Variants in ZBTB7C observed in about 807,000 individuals in gnomAD.
ZBTB7C encodes the protein zinc finger and BTB domain containing 7C.
In ZBTB7C, 8 loss-of-function variants were observed where a neutral mutation model predicts 25.7. The observed-to-expected ratio is 0.31, with a 90% confidence interval of 0.18 to 0.56. The LOEUF (loss-of-function observed/expected upper bound fraction) is 0.56, where lower values mean the gene tolerates loss of function less well. ZBTB7C is among the 20% of genes least tolerant of loss of function. The pLI, the probability that ZBTB7C is intolerant of heterozygous loss-of-function variation, is 0.91. For missense variants in ZBTB7C, 824 were observed against 855.2 expected, an observed-to-expected ratio of 0.96 and a Z score of 0.46; for synonymous variants, 394 against 369.0, an observed-to-expected ratio of 1.07 and a Z score of -0.78.
At chr18:48,259,724 C>CA (rs899951385) in intron 2 of ZBTB7C, among the ~76,000 whole-genome samples, 3 of 151,416 alleles carry the variant, frequency 2.0e-5, no homozygotes, top group Admixed American at 1.3e-4. Context: ...AGAACTTTAC[C>CA]AAAAAAAATA....
At chr18:48,379,396 G>C (rs2047588214) in intron 1 of ZBTB7C, among the ~76,000 whole-genome samples, 1 of 152,136 alleles carries the variant, frequency 6.6e-6, no homozygotes, top group South Asian at 2.1e-4. Flanking sequence ...CAGGGATTTT[G>C]ACTGAGATTG....
intron 3 of ZBTB7C, among the ~76,000 whole-genome samples, chr18:48,099,523 C>A (rs1294755155): frequency 6.6e-6 from 1 of 152,238 alleles, no homozygotes; most frequent in East Asian, 1.9e-4. Context: ...ACCCAGCACC[C>A]CCTCCCTCAT....
intron 3 of ZBTB7C, among the ~76,000 whole-genome samples, chr18:48,184,239 A>T (rs1406239858): frequency 6.6e-6 from 1 of 152,186 alleles, no homozygotes; most frequent in South Asian, 2.1e-4. Flanking sequence ...AGTTCTGACA[A>T]CTGGACCCCG....
At chr18:48,055,931 C>T (rs1007556151) in intron 3 of ZBTB7C, among the ~76,000 whole-genome samples, 7 of 152,280 alleles carry the variant, frequency 4.6e-5, no homozygotes, top group Admixed American at 2.0e-4. Flanking sequence ...TGAGCTAGGA[C>T]GGGCTCAGGA....
At chr18:48,260,785 T>C (rs747224723) in intron 2 of ZBTB7C, among the ~76,000 whole-genome samples, 1 of 152,218 alleles carries the variant, frequency 6.6e-6, no homozygotes, top group Non-Finnish European at 1.5e-5. Context: ...TGAAAAGCCA[T>C]TTTGACGTCC....
chr18:48,069,318 C>G (rs990218718), intron 3 of ZBTB7C, among the ~76,000 whole-genome samples: 4 of 152,228 alleles, frequency 2.6e-5, no homozygotes, highest in Admixed American at 6.5e-5. Context: ...TCTCCAGGGT[C>G]CAGCTGACAC....
chr18:48,382,543 C>T (rs982509805), intron 1 of ZBTB7C, among the ~76,000 whole-genome samples: 2 of 152,188 alleles, frequency 1.3e-5, no homozygotes, highest in Non-Finnish European at 1.5e-5. Flanking sequence ...CCCACATCCT[C>T]GGTGACGACA....
intron 2 of ZBTB7C, among the ~76,000 whole-genome samples, chr18:48,253,204 A>G (rs1489592593): frequency 1.3e-5 from 2 of 149,854 alleles, no homozygotes; most frequent in African/African-American, 2.5e-5. Context: ...ATAGGGGTTG[A>G]AAAAAAGAGA....
At chr18:48,383,671 T>C (rs1183484498) in intron 1 of ZBTB7C, among the ~76,000 whole-genome samples, 1 of 152,188 alleles carries the variant, frequency 6.6e-6, no homozygotes, top group Non-Finnish European at 1.5e-5. Context: ...AAATTAAATA[T>C]TTAAGGCACC....
chr18:48,228,358 C>T (rs1340762445), intron 2 of ZBTB7C, among the ~76,000 whole-genome samples: 1 of 152,178 alleles, frequency 6.6e-6, no homozygotes, highest in Non-Finnish European at 1.5e-5. Flanking sequence ...CAAATCCCTT[C>T]CCAAGCCTGC....
chr18:48,070,714 A>G (rs564688360), intron 3 of ZBTB7C, among the ~76,000 whole-genome samples: 1 of 152,340 alleles, frequency 6.6e-6, no homozygotes, highest in African/African-American at 2.4e-5. Flanking sequence ...AGGCATCTGT[A>G]CATGTTGGGG....
At chr18:48,224,613 TG>T (rs2043043768) in intron 2 of ZBTB7C, among the ~76,000 whole-genome samples, 1 of 152,128 alleles carries the variant, frequency 6.6e-6, no homozygotes, top group African/African-American at 2.4e-5. Context: ...GTTCCAGTAC[TG>T]GGTGCTGATA....
At chr18:48,285,931 A>G (rs2045034674) in intron 2 of ZBTB7C, among the ~76,000 whole-genome samples, 1 of 152,066 alleles carries the variant, frequency 6.6e-6, no homozygotes, top group Non-Finnish European at 1.5e-5. Context: ...TTCTCATTTT[A>G]TAGAAGAATG....
intron 2 of ZBTB7C, among the ~76,000 whole-genome samples, chr18:48,292,027 G>A (rs149590492): frequency 0.062 from 9,489 of 151,932 alleles, 349 homozygotes; most frequent in Non-Finnish European, 0.085. Flanking sequence ...GTGAAACCCC[G>A]TCTTTACTAT....
intron 2 of ZBTB7C, among the ~76,000 whole-genome samples, chr18:48,334,618 A>C (rs541714227): frequency 6.6e-6 from 1 of 152,328 alleles, no homozygotes; most frequent in Admixed American, 6.5e-5. Flanking sequence ...GGCTGGGCAT[A>C]GGGCAGTGGC....
intron 2 of ZBTB7C, among the ~76,000 whole-genome samples, chr18:48,276,527 A>T (rs2044660180): frequency 1.8e-5 from 2 of 110,636 alleles, no homozygotes. Context: ...TTCAATTCCC[A>T]CCTATGAGTG....
intron 2 of ZBTB7C, among the ~76,000 whole-genome samples, chr18:48,193,168 AG>A (rs1313655911): frequency 6.6e-6 from 1 of 152,194 alleles, no homozygotes; most frequent in African/African-American, 2.4e-5. Context: ...GGAGGCCAGC[AG>A]GGCCTCCAGC....
At chr18:48,118,925 T>C (rs1198027081) in intron 3 of ZBTB7C, among the ~76,000 whole-genome samples, 2 of 152,228 alleles carry the variant, frequency 1.3e-5, no homozygotes, top group East Asian at 3.8e-4. Context: ...GAGCTTATTC[T>C]GAGTGGTAGA....
chr18:48,338,866 T>G (rs2046520891), intron 1 of ZBTB7C, among the ~76,000 whole-genome samples: 1 of 146,498 alleles, frequency 6.8e-6, no homozygotes, highest in Non-Finnish European at 1.5e-5. Context: ...TTAACTCTTC[T>G]ATCCCAGATC....
Sources: gnomAD v4.1 joint callset for allele counts (sites outside exome capture counted in the v4.1 genomes callset) on GRCh38, gnomAD v4.1.1 for gene constraint, MANE v1.5 for transcripts, NCBI Gene and HGNC (gene_info 2026-07-23, HGNC 2026-07-21) for gene names.